Variants in PYGM observed in about 807,000 individuals in gnomAD.
PYGM encodes glycogen phosphorylase, muscle form.
PYGM carries 81 observed loss-of-function variants against 99.3 expected under a neutral mutation model. The ratio of observed to expected loss-of-function variants is 0.82; its 90% CI spans 0.68 to 0.98. The LOEUF is 0.98. Ranked by LOEUF, PYGM falls within the 50% of genes least tolerant of loss-of-function variation. The probability of loss-of-function intolerance (pLI) is 0.00; values close to 1 mark genes in which losing one functional copy is unlikely to be tolerated. For missense variants in PYGM, 1,030 were observed against 1,158.1 expected (o/e 0.89, Z 1.61); for synonymous variants, 436 against 451.5 (o/e 0.97, Z 0.44).
chr11:64,746,496 C>T lies in PYGM; in HGVS notation c.*163G>A. The T allele has an allele frequency of 9.7e-7, 1 of 1,031,680 alleles. No individual in the cohort carries two copies. The highest frequency in any genetic ancestry group is 1.5e-5 in the South Asian group (1 of 68,568). The allele number at this position is 1,031,680 out of a possible 1,614,324, so 63.9% of individuals were successfully genotyped here. On this transcript the variant is annotated 3_prime_UTR_variant, in exon 20 of 20. Transcript: ENST00000164139. ...CCGAGGACGGAAGGGGGCCCGTGTC[C>T]TTAGTCACGCTGGACACTGGGACAT... is the stretch of plus-strand genomic sequence containing the variant.
intron 18 of PYGM, 84 bp downstream of exon 18, chr11:64,747,140 C>G: frequency 6.3e-7 from 1 of 1,585,936 alleles, no homozygotes; most frequent in South Asian, 1.1e-5. Context: ...CTACCAGGAC[C>G]CGCGTCCGGC....
chr11:64,750,394 T>C lies in PYGM; in HGVS notation c.2159A>G (p.Asp720Gly). Residue 720 changes from aspartate (D) to glycine (G), a missense_variant, in exon 17 of 20, where the codon GAT (aspartate) becomes GGT (glycine). Physicochemically the swap from Asp to Gly is moderately conservative, Grantham distance 94. Coordinates refer to ENST00000164139, the MANE Select transcript of PYGM (RefSeq NM_005609.4). ...CCCATACCCTCTTTGGTCAAGCTTA[T>C]CCACATCCTCCACCCGCATGCCAAA... ...FIFGMRVEDV[D>G]KLDQRGYNAQ... is the part of the protein sequence containing the mutation. The C allele has an allele frequency of 6.2e-7, 1 of 1,614,092 alleles. No individual in the cohort carries two copies. Among genetic ancestry groups the C allele is most frequent in the South Asian group, 1.1e-5 (1 of 91,078 alleles).
intron 5 of PYGM, among the ~76,000 whole-genome samples, chr11:64,756,648 T>G (rs567459746): frequency 6.6e-6 from 1 of 152,272 alleles, no homozygotes; most frequent in African/African-American, 2.4e-5. Flanking sequence ...AGACTGGGTT[T>G]CACCATATTG....
chr11:64,757,455 T>C (rs537134081), intron 5 of PYGM, among the ~76,000 whole-genome samples: 2 of 152,336 alleles, frequency 1.3e-5, no homozygotes, highest in East Asian at 3.9e-4. Flanking sequence ...GGGCTGCTGC[T>C]GTCGAGATGT....
rs770827006 is a variant in PYGM, at chr11:64,746,654, G to T, written c.*5C>A. ...AAGGGCTGGTTTGGGGTCTGGTCTGGAGGCTCAGATGGCCTCATCCGGGGC... is the reference window on the plus strand; with the variant it reads ...AAGGGCTGGTTTGGGGTCTGGTCTGTAGGCTCAGATGGCCTCATCCGGGGC... On this transcript the variant is annotated 3_prime_UTR_variant, in exon 20 of 20. Transcript: ENST00000164139. The T allele has an allele frequency of 6.2e-7, 1 of 1,614,174 alleles. No individual in the cohort carries two copies.
chr11:64,759,708 A>T lies in PYGM; in HGVS notation c.191T>A (p.Leu64His). ...CTGCGTGCGGATCCAGCGCCCCACG[A>T]GGTGGTCGCGCACGGTATGGGCCAG... ...FALAHTVRDH[L>H]VGRWIRTQQH... The change falls in exon 1 of 20, where the codon CTC (leucine) becomes CAC (histidine). Residue 64 changes from leucine (L) to histidine (H), a missense_variant. Transcript: ENST00000164139. The T allele has an allele frequency of 6.2e-7, 1 of 1,614,052 alleles. No individual in the cohort carries two copies. Among genetic ancestry groups the T allele is most frequent in the Non-Finnish European group, 8.5e-7 (1 of 1,179,988 alleles).
intron 1 of PYGM, among the ~76,000 whole-genome samples, chr11:64,759,155 A>T (rs2058416299): frequency 6.6e-6 from 1 of 152,122 alleles, no homozygotes; most frequent in African/African-American, 2.4e-5. Flanking sequence ...ACCAGAAACT[A>T]GGATGCTGCC....
chr11:64,754,113 C>T lies in PYGM; in HGVS notation c.1093-88G>A. On this transcript the variant is annotated intron_variant, in intron 9 of 19. Coordinates refer to ENST00000164139, the MANE Select transcript of PYGM (RefSeq NM_005609.4). The surrounding 1 kb of genome is among the most constrained non-coding windows in gnomAD (Gnocchi z 5.5). ...CGCATCCCAGTGGGCCCCCCCACTG[C>T]AGTGCCAGGTTCCAGGACGGTCCCT... 1 of 1,596,220 alleles carries T rather than the reference C, an allele frequency of 6.3e-7. No homozygotes were observed.
intron 13 of PYGM, 147 bp downstream of exon 13, chr11:64,752,256 C>G (rs1247841367): frequency 3.1e-6 from 4 of 1,270,500 alleles, no homozygotes; most frequent in Non-Finnish European, 4.5e-6. Flanking sequence ...TCAGATGATG[C>G]CTTCCCACCA....
At chr11:64,749,967 T>G (rs2058342651) in intron 17 of PYGM, among the ~76,000 whole-genome samples, 1 of 152,054 alleles carries the variant, frequency 6.6e-6, no homozygotes, top group Non-Finnish European at 1.5e-5. Flanking sequence ...TAATTTTTTG[T>G]ATTTTTAGTA....
intron 1 of PYGM, 130 bp from the exon 2 acceptor site, chr11:64,758,834 T>C (rs1463071948): frequency 1.1e-5 from 9 of 830,536 alleles, no homozygotes; most frequent in Non-Finnish European, 1.8e-5. Flanking sequence ...CCCAATTTGT[T>C]TCTCCCTGTC....
Position 64,759,730 on chromosome 11 carries a change from CCAGAG to C in PYGM, c.164_168del (p.Ala55GlyfsTer21), listed in dbSNP as rs780193588. 5.0e-6 allele frequency: 8 copies of C among 1,614,092 alleles called. No individual in the cohort carries two copies. The highest frequency in any genetic ancestry group is 1.7e-5 in the Admixed American group (1 of 60,014). ...ACGAGGTGGTCGCGCACGGTATGGGCCAGAGCAAAGTAGTAGTCTCGTGGGGTGGC... is the reference window on the plus strand; with the variant it reads ...ACGAGGTGGTCGCGCACGGTATGGGCCAAAGTAGTAGTCTCGTGGGGTGGC... On this transcript the variant is annotated frameshift_variant, in exon 1 of 20. Coordinates refer to ENST00000164139, the MANE Select transcript of PYGM (RefSeq NM_005609.4). LOFTEE classifies it high-confidence loss of function.
intron 17 of PYGM, among the ~76,000 whole-genome samples, chr11:64,749,954 G>A (rs894540861): frequency 2.0e-5 from 3 of 151,864 alleles, no homozygotes; most frequent in African/African-American, 4.8e-5. Context: ...CAACACGCCC[G>A]GCTAATTTTT....
intron 15 of PYGM, 51 bp from the exon 16 acceptor site, chr11:64,751,517 T>C: frequency 6.2e-7 from 1 of 1,613,278 alleles, no homozygotes. Flanking sequence ...CCCCACCCCC[T>C]ATCCTGCAAC....
At position 64,755,448 on chromosome 11, in the gene PYGM, G is replaced by A. The variant is rs1287338627; in HGVS notation, c.771C>T (p.Asp257=). The A allele has an allele frequency of 6.2e-7, 1 of 1,613,842 alleles. No homozygotes were observed. The highest frequency in any genetic ancestry group is 1.3e-5 in the African/African-American group (1 of 74,928). The change falls in exon 6 of 20, where the codon GAC becomes GAT. Residue 257 remains aspartate (D), a splice_region_variant and synonymous_variant. Transcript: ENST00000164139. This position sits in a 1 kb window ranked among gnomAD's most constrained non-coding sequence, Gnocchi z 4.1. The part of the protein sequence containing the change: ...AKAPNDFNLK[D]FNVGGYIQAV... ...CTGGCTACCAGTGGATGAACTCACA[G>A]TCCTTGAGGTTGAAGTCATTGGGAG...
chr11:64,752,926 T>A, intron 12 of PYGM, 147 bp downstream of exon 12: 1 of 834,182 alleles, frequency 1.2e-6, no homozygotes. Flanking sequence ...CTCCTCCAGG[T>A]GGATGCGAGG....
At chr11:64,747,993 A>T (rs1163707802) in intron 17 of PYGM, 1 of 162,466 alleles carries the variant, frequency 6.2e-6, no homozygotes, top group South Asian at 1.6e-4. Context: ...GTGAACCGAG[A>T]TCATGCCATT....
rs2135840521 is a variant in PYGM at position 64,758,510 on chromosome 11, G to A, written c.351C>T (p.Gly117=). The change falls in exon 3 of 20, where the codon GGC becomes GGT. Residue 117 remains glycine, a synonymous_variant. Transcript: ENST00000164139. ...NACDEATYQL[G]LDMEELEEIE... ...TTTCCTCCAGCTCCTCCATGTCCAG[G>A]CCCAGCTGGAGGAGTGAGGGTGACA... The A allele has an allele frequency of 1.9e-6, 3 of 1,614,036 alleles. No individual in the cohort carries two copies. Among genetic ancestry groups the A allele is most frequent in the Non-Finnish European group, 2.5e-6 (3 of 1,180,002 alleles).
chr11:64,758,535 A>T lies in PYGM; in HGVS notation c.346-20T>A. On this transcript the variant is annotated intron_variant, in intron 2 of 19. Transcript: ENST00000164139. ...GCCCAGCTGGAGGAGTGAGGGTGAC[A>T]GTGGTCAGGGTCAAGTGTCAGCAGT... 1 of 1,614,048 alleles carries T rather than the reference A, an allele frequency of 6.2e-7. No homozygotes were observed. The highest frequency in any genetic ancestry group is 8.5e-7 in the Non-Finnish European group (1 of 1,179,974).
Sources: allele counts gnomAD v4.1 joint callset (sites outside exome capture counted in the v4.1 genomes callset), GRCh38; gene constraint gnomAD v4.1.1; non-coding constraint Gnocchi (gnomAD v3.1); transcripts MANE v1.5; gene names NCBI Gene and HGNC (gene_info 2026-07-23, HGNC 2026-07-21).